Variants in CELF2 observed in about 807,000 individuals in gnomAD.
The protein encoded by CELF2 is CUG triplet repeat RNA-binding protein 2.
In CELF2, 8 loss-of-function variants were observed where a neutral mutation model predicts 62.6. That is an observed-to-expected ratio of 0.13 (90% CI 0.07 to 0.23). CELF2 has a LOEUF of 0.23. CELF2 is among the 10% of genes least tolerant of loss of function. The pLI, the probability that CELF2 is intolerant of heterozygous loss-of-function variation, is 1.00. For missense variants in CELF2, 333 were observed against 671.0 expected (o/e 0.50, Z 5.56); for synonymous variants, 258 against 250.0 (o/e 1.03, Z -0.30).
intron 1 of CELF2, among the ~76,000 whole-genome samples, chr10:11,089,865 C>G (rs12262378): frequency 0.041 from 6,283 of 152,206 alleles, 184 homozygotes; most frequent in African/African-American, 0.078. Flanking sequence ...GAAATCATAT[C>G]CTTTGTAGCA....
Position 11,005,488 on chromosome 10 carries a change from A to C in CELF2, c.53+48A>C, listed in dbSNP as rs773415829. ...TTTAATGCACGCTTTTCTAGTTTCTAGAGCTGGCTGAGACAATAATTATGC... is the reference window on the plus strand; with the variant it reads ...TTTAATGCACGCTTTTCTAGTTTCTCGAGCTGGCTGAGACAATAATTATGC... On this transcript the variant is annotated intron_variant, in intron 1 of 12. Transcript: ENST00000416382. This position sits in a 1 kb window ranked among gnomAD's most constrained non-coding sequence, Gnocchi z 4.3. 10 of 1,613,588 alleles carry C rather than the reference A, an allele frequency of 6.2e-6. No homozygotes were observed. In the Admixed American group the frequency reaches 1.7e-4, roughly 27 times the overall value.
chr10:10,684,348 G>A, the CELF2 span, among the ~76,000 whole-genome samples: 34,693 of 152,038 alleles, frequency 0.23, 4,170 homozygotes, highest in South Asian at 0.43. Context: ...GCTGTTCTAC[G>A]TCCCGCCTTC....
At chr10:10,948,038 T>C (rs1370136465) in intron 2 of CELF2, among the ~76,000 whole-genome samples, 6 of 152,158 alleles carry the variant, frequency 3.9e-5, no homozygotes, top group Admixed American at 6.5e-5. Context: ...ATTCAGAAAT[T>C]TAAACATTCC....
chr10:10,749,143 A>G, the CELF2 span, among the ~76,000 whole-genome samples: 12 of 152,350 alleles, frequency 7.9e-5, no homozygotes, highest in Non-Finnish European at 1.5e-4. Flanking sequence ...AATGTCAACT[A>G]GATAATTGTA....
intron 1 of CELF2, among the ~76,000 whole-genome samples, chr10:10,901,258 G>C (rs1026751212): frequency 7.2e-5 from 11 of 152,208 alleles, no homozygotes; most frequent in African/African-American, 2.7e-4. Context: ...AACAGTGTAT[G>C]ATTTCACGAT....
intron 4 of CELF2, among the ~76,000 whole-genome samples, chr10:11,256,501 G>A (rs753722214): frequency 6.6e-6 from 1 of 150,834 alleles, no homozygotes; most frequent in African/African-American, 2.4e-5. Context: ...AAATAGGTAT[G>A]CACAAGTGAC....
chr10:11,207,844 G>A lies in CELF2; in HGVS notation c.272-9581G>A, dbSNP rs780781679. Among the ~76,000 whole-genome samples the A allele has an allele frequency of 2.0e-5, 3 of 152,176 alleles. No homozygotes were observed. The highest frequency in any genetic ancestry group is 4.8e-5 in the African/African-American group (2 of 41,428). On this transcript the variant is annotated intron_variant, in intron 2 of 12. Coordinates refer to ENST00000633077, the MANE Select transcript of CELF2 (RefSeq NM_001326342.2). The surrounding 1 kb of genome is among the most constrained non-coding windows in gnomAD (Gnocchi z 4.1). ...TAGATTTCTACAGGATGAGGCGTTCGTATTTGGGTAGCTGCTACTCTAGCT... is the reference window on the plus strand; with the variant it reads ...TAGATTTCTACAGGATGAGGCGTTCATATTTGGGTAGCTGCTACTCTAGCT...
At chr10:11,235,613 C>T (rs2070911393) in intron 3 of CELF2, among the ~76,000 whole-genome samples, 1 of 152,130 alleles carries the variant, frequency 6.6e-6, no homozygotes, top group South Asian at 2.1e-4. Context: ...TGGAGGAGAG[C>T]TCTTTGTTTA....
intron 9 of CELF2, among the ~76,000 whole-genome samples, chr10:11,294,917 A>G (rs2092976034): frequency 6.6e-6 from 1 of 152,212 alleles, no homozygotes; most frequent in Admixed American, 6.5e-5. Context: ...CTCAACAACA[A>G]CAACAACAAA....
At chr10:10,532,994 C>T in the CELF2 span, among the ~76,000 whole-genome samples, 1 of 151,854 alleles carries the variant, frequency 6.6e-6, no homozygotes, top group Non-Finnish European at 1.5e-5. Context: ...TTTCTGGCTT[C>T]GTGCTTTCTC....
At chr10:10,729,851 C>T in the CELF2 span, among the ~76,000 whole-genome samples, 1 of 151,930 alleles carries the variant, frequency 6.6e-6, no homozygotes, top group African/African-American at 2.4e-5. Flanking sequence ...ACAAAATTAT[C>T]GATGATATGC....
the CELF2 span, among the ~76,000 whole-genome samples, chr10:10,774,562 C>T: frequency 6.6e-5 from 10 of 152,304 alleles, 2 homozygotes; most frequent in East Asian, 1.9e-3. Flanking sequence ...CTCGCTCCTG[C>T]CATGTGAGAT....
the CELF2 span, among the ~76,000 whole-genome samples, chr10:10,688,328 G>A: frequency 6.6e-6 from 1 of 152,158 alleles, no homozygotes; most frequent in African/African-American, 2.4e-5. Flanking sequence ...CCACATAGGG[G>A]ACAGTGAAGC....
rs757658324 is a variant in CELF2, at chr10:11,011,354, G to A, written c.53+5914G>A. On this transcript the variant is annotated intron_variant, in intron 1 of 12. Transcript: ENST00000416382. This position sits in a 1 kb window ranked among gnomAD's most constrained non-coding sequence, Gnocchi z 4.6. ...AGTGAATGAGGAGGGGTCAAGTGGC[G>A]AGATGCAGAGACAGGGGAGTTGAGC... Among the ~76,000 whole-genome samples the A allele has an allele frequency of 9.2e-5, 14 of 151,688 alleles. No homozygotes were observed. Among genetic ancestry groups the A allele is most frequent in the South Asian group, 2.1e-4 (1 of 4,788 alleles).
intron 4 of CELF2, among the ~76,000 whole-genome samples, chr10:11,253,562 A>C (rs375946330): frequency 6.6e-6 from 1 of 152,258 alleles, no homozygotes; most frequent in South Asian, 2.1e-4. Context: ...GCACTAACAC[A>C]TTGAAAAGTT....
chr10:10,649,878 A>G, the CELF2 span, among the ~76,000 whole-genome samples: 1 of 152,118 alleles, frequency 6.6e-6, no homozygotes, highest in East Asian at 1.9e-4. Flanking sequence ...CCTGGAGTGC[A>G]GCTGTTCCTC....
chr10:10,847,196 A>G (rs1453172972), intron 1 of CELF2, among the ~76,000 whole-genome samples: 2 of 151,826 alleles, frequency 1.3e-5, no homozygotes, highest in Non-Finnish European at 2.9e-5. Flanking sequence ...TATGTTTTTT[A>G]TATATACGCA....
the CELF2 span, among the ~76,000 whole-genome samples, chr10:10,626,240 AT>A: frequency 2.7e-5 from 2 of 75,358 alleles, no homozygotes; most frequent in African/African-American, 1.1e-4. Context: ...AGAATCACAC[AT>A]TTTCCAAACA....
In CELF2 at chr10:11,087,522, C is replaced by T. The variant is rs116350062; in HGVS notation, c.74+69359C>T. Among the ~76,000 whole-genome samples, 1,007 of 152,324 alleles carry T rather than the reference C, an allele frequency of 6.6e-3. 9 individuals are homozygous for T. The highest frequency in any genetic ancestry group is 0.023 in the African/African-American group (953 of 41,562). On this transcript the variant is annotated intron_variant, in intron 1 of 12. Transcript: ENST00000633077. ...TGACGGCCCGTCGACTGACGTAGAACATGGCACTGTTATCGCACAGCAGCG... is the reference window on the plus strand; with the variant it reads ...TGACGGCCCGTCGACTGACGTAGAATATGGCACTGTTATCGCACAGCAGCG...
Sources: gnomAD v4.1 joint callset for allele counts (sites outside exome capture counted in the v4.1 genomes callset) on GRCh38, gnomAD v4.1.1 for gene constraint, Gnocchi (gnomAD v3.1) non-coding constraint, MANE v1.5 for transcripts, NCBI Gene and HGNC (gene_info 2026-07-23, HGNC 2026-07-21) for gene names.